The following EXOC2 variants were observed in gnomAD, a reference collection of about 807,000 sequenced individuals.
EXOC2 encodes SEC5-like 1.
Under a neutral mutation model 131.8 loss-of-function variants are expected in EXOC2, and 70 were observed. The observed-to-expected ratio is 0.53, with a 90% CI of 0.44 to 0.65. The LOEUF is 0.65. Among genes scored for constraint, EXOC2 ranks in the 30% least tolerant of loss-of-function variants. The pLI is 0.00. For synonymous variants in EXOC2, 411 were observed against 398.4 expected (o/e 1.03, Z -0.38); for missense variants, 923 against 1,108.6 (o/e 0.83, Z 2.38).
chr6:533,782 G>A (rs1303803924), intron 22 of EXOC2, among the ~76,000 whole-genome samples: 1 of 152,194 alleles, frequency 6.6e-6, no homozygotes. Context: ...AGGTCACCCT[G>A]CAGGGGGCTG....
intron 2 of EXOC2, among the ~76,000 whole-genome samples, chr6:633,507 C>T (rs577272066): frequency 4.6e-5 from 7 of 152,212 alleles, no homozygotes; most frequent in Non-Finnish European, 7.3e-5. Flanking sequence ...TATTAATAAA[C>T]GTATGTATCA....
chr6:496,700 A>AT (rs952318866), intron 25 of EXOC2, among the ~76,000 whole-genome samples: 5 of 151,928 alleles, frequency 3.3e-5, no homozygotes, highest in African/African-American at 9.7e-5. Flanking sequence ...GTCTTCAGGG[A>AT]TTTTTTCAAA....
At chr6:523,146 T>C (rs1468521985) in intron 23 of EXOC2, among the ~76,000 whole-genome samples, 1 of 152,060 alleles carries the variant, frequency 6.6e-6, no homozygotes, top group Non-Finnish European at 1.5e-5. Flanking sequence ...AAACCAGAGA[T>C]GGGATGGCGC....
intron 4 of EXOC2, among the ~76,000 whole-genome samples, chr6:626,176 T>C (rs1215464958): frequency 1.3e-5 from 2 of 152,198 alleles, no homozygotes; most frequent in Non-Finnish European, 2.9e-5. Flanking sequence ...AGTGAAGTTA[T>C]TTTTTCTGAG....
Position 515,207 on chromosome 6 carries a change from A to G in EXOC2, c.2381-15507T>C, listed in dbSNP as rs536566133. 5.3e-5 allele frequency among the ~76,000 whole-genome samples: 8 copies of G among 152,344 alleles called. No homozygotes were observed. In the South Asian group the frequency reaches 1.7e-3, roughly 32 times the overall value. ...TTCCCTTGCCCCAGGTTGGCAATTA[A>G]GAACTATAACTTACTTCCACCCCAC... On this transcript the variant is annotated intron_variant, in intron 23 of 27. Transcript: ENST00000230449.
chr6:582,632 G>C (rs1191165571), intron 11 of EXOC2, among the ~76,000 whole-genome samples: 2 of 151,766 alleles, frequency 1.3e-5, no homozygotes, highest in Non-Finnish European at 2.9e-5. Flanking sequence ...GCTGGGGGTG[G>C]GGGTGGGGGT....
In EXOC2 at chr6:619,690, A is replaced by G. The variant is rs1215333814; in HGVS notation, c.423-147T>C. On this transcript the variant is annotated intron_variant, in intron 4 of 27. Transcript: ENST00000230449. ...CATACATTACCCAGAACATGTTTGT[A>G]TATATGTACAAAATATATTTCCCAC... is the stretch of plus-strand genomic sequence containing the variant. 5.6e-6 allele frequency: 3 copies of G among 532,876 alleles called. No homozygotes were observed. In the East Asian group the frequency reaches 8.7e-5, roughly 15 times the overall value. The allele number at this position is 532,876 out of a possible 1,614,324, so 33.0% of individuals were successfully genotyped here.
intron 22 of EXOC2, among the ~76,000 whole-genome samples, chr6:537,369 C>T (rs1441920157): frequency 4.0e-5 from 6 of 148,464 alleles, no homozygotes; most frequent in African/African-American, 1.0e-4. Flanking sequence ...AGCGCACACT[C>T]GAGTTGATGG....
At chr6:550,060 G>C (rs775671358) in intron 21 of EXOC2, among the ~76,000 whole-genome samples, 1 of 152,220 alleles carries the variant, frequency 6.6e-6, no homozygotes, top group Non-Finnish European at 1.5e-5. Flanking sequence ...AAAATTCCAG[G>C]AATTGCCCTT....
At chr6:631,737 C>T (rs1761869248) in intron 3 of EXOC2, among the ~76,000 whole-genome samples, 1 of 151,968 alleles carries the variant, frequency 6.6e-6, no homozygotes, top group South Asian at 2.1e-4. Context: ...CAAGTTCCTG[C>T]TTTAGTTTCA....
chr6:554,167 G>C (rs1313512013), intron 20 of EXOC2, among the ~76,000 whole-genome samples: 2 of 151,848 alleles, frequency 1.3e-5, no homozygotes, highest in African/African-American at 4.8e-5. Context: ...TCAGCCTCCT[G>C]AGTAGCTGGG....
At chr6:639,788 C>T (rs141593386) in intron 1 of EXOC2, among the ~76,000 whole-genome samples, 88 of 152,252 alleles carry the variant, frequency 5.8e-4, no homozygotes, top group Non-Finnish European at 1.1e-3. Context: ...TCCCCTCTGC[C>T]CTCTAAAGGG....
intron 23 of EXOC2, among the ~76,000 whole-genome samples, chr6:502,318 T>C (rs1004059827): frequency 7.2e-5 from 11 of 152,162 alleles, no homozygotes; most frequent in Admixed American, 6.5e-5. Flanking sequence ...TGTGCTACGG[T>C]GCAAGGATGA....
intron 1 of EXOC2, among the ~76,000 whole-genome samples, chr6:654,092 T>C (rs1445831916): frequency 6.6e-6 from 1 of 152,224 alleles, no homozygotes; most frequent in African/African-American, 2.4e-5. Flanking sequence ...TCTTTCAGAA[T>C]ATCACTGTTC....
intron 21 of EXOC2, among the ~76,000 whole-genome samples, chr6:551,435 A>T (rs751468708): frequency 6.6e-6 from 1 of 152,244 alleles, no homozygotes. Context: ...AGACTAAGGC[A>T]GGAGAGAGGA....
Position 532,598 on chromosome 6 carries a change from A to C in EXOC2, c.2251T>G (p.Ser751Ala). 1 of 1,590,838 alleles carries C rather than the reference A, an allele frequency of 6.3e-7. No homozygotes were observed. Among genetic ancestry groups the C allele is most frequent in the South Asian group, 1.2e-5 (1 of 85,898 alleles). ...IEKITQVSMA[S>A]LKELDQRLFE... ...AGTCTTTGATCTAGTTCTTTCAATGAGGCCATGCTAACCTATAAACACATA... is the reference window on the plus strand; with the variant it reads ...AGTCTTTGATCTAGTTCTTTCAATGCGGCCATGCTAACCTATAAACACATA... Residue 751 changes from serine (S) to alanine (A), a missense_variant, in exon 23 of 28, where the codon TCA becomes GCA. Physicochemically the swap from Ser to Ala is moderately conservative, Grantham distance 99. Transcript: ENST00000230449.
At chr6:659,995 TGG>T (rs538836534) in intron 1 of EXOC2, among the ~76,000 whole-genome samples, 1 of 38,094 alleles carries the variant, frequency 2.6e-5, no homozygotes, top group Non-Finnish European at 5.9e-5. Context: ...TCAGGGCTGT[TGG>T]GGGGGGGACA....
intron 23 of EXOC2, 112 bp from the exon 24 acceptor site, chr6:499,812 T>A: frequency 1.3e-6 from 1 of 759,496 alleles, no homozygotes; most frequent in Non-Finnish European, 2.3e-6. Flanking sequence ...AAACAGAAAG[T>A]AACACCACCA....
At chr6:570,290 C>T (rs1413591474) in intron 13 of EXOC2, among the ~76,000 whole-genome samples, 6 of 152,068 alleles carry the variant, frequency 3.9e-5, no homozygotes, top group East Asian at 3.9e-4. Flanking sequence ...CCCGCCACCA[C>T]GCCTGGCTAA....
Sources: allele counts gnomAD v4.1 joint callset (sites outside exome capture counted in the v4.1 genomes callset), GRCh38; gene constraint gnomAD v4.1.1; transcripts MANE v1.5; gene names NCBI Gene and HGNC (gene_info 2026-07-23, HGNC 2026-07-21).